ANKRD30B: variants seen among roughly 807,000 people sequenced by gnomAD.
The protein encoded by ANKRD30B is ankyrin repeat domain-containing protein 30B.
In ANKRD30B, 144 loss-of-function variants were observed where a neutral mutation model predicts 202.2. The observed-to-expected ratio is 0.71, with a 90% CI of 0.62 to 0.82. ANKRD30B has a LOEUF of 0.82. Ranked by LOEUF, ANKRD30B falls within the 40% of genes least tolerant of loss-of-function variation. The probability of loss-of-function intolerance (pLI) is 0.00; values close to 1 mark genes in which losing one functional copy is unlikely to be tolerated. For missense variants in ANKRD30B, 1,487 were observed against 1,669.1 expected (o/e 0.89, Z 1.90); for synonymous variants, 508 against 561.3 (o/e 0.91, Z 1.34).
the ANKRD30B span, among the ~76,000 whole-genome samples, chr18:14,885,333 A>C: frequency 1.3e-5 from 2 of 152,042 alleles, no homozygotes; most frequent in African/African-American, 2.4e-5. Context: ...GATGTAAATG[A>C]AACTGCATGA....
At chr18:14,891,211 A>T in the ANKRD30B span, among the ~76,000 whole-genome samples, 1 of 152,082 alleles carries the variant, frequency 6.6e-6, no homozygotes, top group African/African-American at 2.4e-5. Flanking sequence ...CTTAAAGAAA[A>T]AACTAATTGT....
Position 14,853,954 on chromosome 18 carries a change from G to T in ANKRD30B, c.*33+11G>T, listed in dbSNP as rs1179888620. On this transcript the variant is annotated intron_variant, in intron 43 of 43. Transcript: ENST00000690538. The stretch of plus-strand genomic sequence containing the variant: ...ACATTAATCTCAAAGGTGAGATACA[G>T]GATTTAATGAGGAAATGATTTCAAA... Among the ~76,000 whole-genome samples the T allele has an allele frequency of 2.0e-5, 3 of 152,128 alleles. No individual in the cohort carries two copies. In the East Asian group the frequency reaches 5.8e-4, roughly 29 times the overall value.
At chr18:14,904,628 T>C in the ANKRD30B span, among the ~76,000 whole-genome samples, 6 of 152,160 alleles carry the variant, frequency 3.9e-5, no homozygotes, top group African/African-American at 1.4e-4. Flanking sequence ...CCCCCCCATC[T>C]CATCTGATTC....
chr18:14,931,514 G>T, the ANKRD30B span, among the ~76,000 whole-genome samples: 1 of 152,124 alleles, frequency 6.6e-6, no homozygotes, highest in Non-Finnish European at 1.5e-5. Flanking sequence ...GTTTCAGCAG[G>T]CATCCCCCTG....
intron 25 of ANKRD30B, 30 bp from the exon 26 acceptor site, chr18:14,808,642 A>T (rs768756759): frequency 6.4e-7 from 1 of 1,555,796 alleles, no homozygotes; most frequent in Admixed American, 1.8e-5. Flanking sequence ...TACATTATAT[A>T]TTAATTTTTG....
chr18:14,867,842 C>A, the ANKRD30B span, among the ~76,000 whole-genome samples: 2 of 152,234 alleles, frequency 1.3e-5, no homozygotes, highest in African/African-American at 2.4e-5. Flanking sequence ...GCCCCAGCCA[C>A]CCAGTGGCCA....
intron 7 of ANKRD30B, among the ~76,000 whole-genome samples, chr18:14,764,583 C>T (rs891474499): frequency 6.6e-6 from 1 of 151,914 alleles, no homozygotes; most frequent in Non-Finnish European, 1.5e-5. Context: ...TTAGTAGAGA[C>T]AGGGTTCCAC....
At chr18:14,872,201 T>C in the ANKRD30B span, among the ~76,000 whole-genome samples, 1 of 152,218 alleles carries the variant, frequency 6.6e-6, no homozygotes, top group Non-Finnish European at 1.5e-5. Flanking sequence ...CTTATGCAAA[T>C]GACATTGTTG....
intron 33 of ANKRD30B, among the ~76,000 whole-genome samples, chr18:14,829,425 A>T (rs917356296): frequency 6.6e-6 from 1 of 152,188 alleles, no homozygotes; most frequent in Non-Finnish European, 1.5e-5. Flanking sequence ...AAGGGGATGG[A>T]TCTGATTAAA....
intron 14 of ANKRD30B, among the ~76,000 whole-genome samples, chr18:14,785,965 G>A (rs1309032667): frequency 6.7e-6 from 1 of 149,632 alleles, no homozygotes; most frequent in Non-Finnish European, 1.5e-5. Flanking sequence ...GTGAACCCAG[G>A]AAGCGGAGCT....
At position 14,769,439 on chromosome 18, in the gene ANKRD30B, A is replaced by G. The variant is rs913710341; in HGVS notation, c.1256+66A>G. On this transcript the variant is annotated intron_variant, in intron 8 of 43. Transcript: ENST00000690538. Reference sequence around the variant, plus strand: ...GAAAACATAGAGAAAAGAAATCACTATCTGCTGAGTATTCTACTCTGGGCT... The same window carrying G: ...GAAAACATAGAGAAAAGAAATCACTGTCTGCTGAGTATTCTACTCTGGGCT... 3.7e-5 allele frequency: 47 copies of G among 1,268,712 alleles called. No homozygotes were observed. In the Middle Eastern group the frequency reaches 1.0e-3, roughly 28 times the overall value. The allele number at this position is 1,268,712 out of a possible 1,614,324, so 78.6% of individuals were successfully genotyped here.
At chr18:14,938,790 G>A in the ANKRD30B span, among the ~76,000 whole-genome samples, 5 of 152,332 alleles carry the variant, frequency 3.3e-5, no homozygotes, top group East Asian at 9.6e-4. Context: ...TATTAGTCTT[G>A]ATGCGTGTGG....
intron 8 of ANKRD30B, among the ~76,000 whole-genome samples, chr18:14,771,800 G>C (rs1967019766): frequency 6.6e-6 from 1 of 152,146 alleles, no homozygotes; most frequent in Non-Finnish European, 1.5e-5. Context: ...AGTTATGTCA[G>C]CCATTAAGTA....
chr18:14,796,478 G>A (rs1286477822), intron 18 of ANKRD30B, 63 bp downstream of exon 18: 23 of 1,474,096 alleles, frequency 1.6e-5, no homozygotes, highest in Non-Finnish European at 2.1e-5. Flanking sequence ...GAAATGCCGA[G>A]AGGCTTTTAT....
chr18:14,910,116 G>T, the ANKRD30B span: 1 of 151,928 alleles, frequency 6.6e-6, no homozygotes, highest in South Asian at 2.1e-4. Context: ...AATATATTTA[G>T]GGAGTCTAAG....
intron 37 of ANKRD30B, among the ~76,000 whole-genome samples, chr18:14,841,002 A>G (rs1158076820): frequency 6.6e-6 from 1 of 152,244 alleles, no homozygotes; most frequent in Non-Finnish European, 1.5e-5. Context: ...GGAGAATGGT[A>G]AAATAAAAGA....
intron 10 of ANKRD30B, among the ~76,000 whole-genome samples, chr18:14,778,766 A>T (rs1265809122): frequency 2.0e-5 from 3 of 152,326 alleles, no homozygotes; most frequent in Admixed American, 6.5e-5. Context: ...AGTGATGCTG[A>T]TGCTGGTGGT....
At chr18:14,756,927 A>C (rs1291435861) in intron 4 of ANKRD30B, among the ~76,000 whole-genome samples, 2 of 152,148 alleles carry the variant, frequency 1.3e-5, no homozygotes, top group Non-Finnish European at 2.9e-5. Flanking sequence ...TAGAAACAGG[A>C]GTTTAAAACC....
chr18:14,759,368 C>T (rs1195243374), intron 5 of ANKRD30B: 1 of 152,082 alleles, frequency 6.6e-6, no homozygotes, highest in East Asian at 1.9e-4. Context: ...TGGGTGACTC[C>T]CAGGATTGCA....
Sources: gnomAD v4.1 joint callset for allele counts (sites outside exome capture counted in the v4.1 genomes callset) on GRCh38, gnomAD v4.1.1 for gene constraint, MANE v1.5 for transcripts, NCBI Gene and HGNC (gene_info 2026-07-23, HGNC 2026-07-21) for gene names.